EXOC6B: variants seen among roughly 807,000 people sequenced by gnomAD.
EXOC6B encodes the protein SEC15 homolog B.
A neutral mutation model predicts 113.5 loss-of-function variants in EXOC6B; 54 were observed. The ratio of observed to expected loss-of-function variants is 0.48; its 90% CI spans 0.38 to 0.60. EXOC6B has a LOEUF of 0.60. Among genes scored for constraint, EXOC6B ranks in the 20% least tolerant of loss-of-function variants. The pLI, the probability that EXOC6B is intolerant of heterozygous loss-of-function variation, is 0.00. For synonymous variants in EXOC6B, 357 were observed against 339.0 expected (o/e 1.05, Z -0.58); for missense variants, 797 against 977.5 (o/e 0.82, Z 2.46).
At chr2:72,722,454 G>T (rs755926767) in intron 5 of EXOC6B, among the ~76,000 whole-genome samples, 25 of 152,016 alleles carry the variant, frequency 1.6e-4, no homozygotes, top group Non-Finnish European at 2.6e-4. Flanking sequence ...GTTTTACTTG[G>T]TTTTTTTGTT....
At chr2:72,458,949 T>C (rs781628591) in intron 18 of EXOC6B, among the ~76,000 whole-genome samples, 26 of 152,238 alleles carry the variant, frequency 1.7e-4, no homozygotes, top group Non-Finnish European at 2.5e-4. Flanking sequence ...AAAACAATTA[T>C]TCTAAATATC....
intron 6 of EXOC6B, among the ~76,000 whole-genome samples, chr2:72,660,721 G>C (rs1477591039): frequency 6.6e-6 from 1 of 152,034 alleles, no homozygotes; most frequent in Admixed American, 6.6e-5. Context: ...AGAAGTATTG[G>C]AGCAGCTATT....
chr2:72,484,663 A>C (rs1410591481), intron 16 of EXOC6B, among the ~76,000 whole-genome samples: 3 of 150,816 alleles, frequency 2.0e-5, no homozygotes, highest in Non-Finnish European at 4.4e-5. Flanking sequence ...ATGTGTTCTC[A>C]TTGTTCAACT....
chr2:72,187,222 C>G (rs1678496810), intron 20 of EXOC6B, among the ~76,000 whole-genome samples: 1 of 151,978 alleles, frequency 6.6e-6, no homozygotes, highest in African/African-American at 2.4e-5. Context: ...ACCACAGGGC[C>G]CCAAAGAGGG....
chr2:72,764,158 C>T (rs537207083), intron 1 of EXOC6B, among the ~76,000 whole-genome samples: 2 of 152,168 alleles, frequency 1.3e-5, no homozygotes, highest in South Asian at 2.1e-4. Context: ...CTATTTCCTA[C>T]TATAATTGAT....
chr2:72,274,843 C>A (rs1016879021), intron 20 of EXOC6B, among the ~76,000 whole-genome samples: 1 of 152,046 alleles, frequency 6.6e-6, no homozygotes, highest in East Asian at 1.9e-4. Flanking sequence ...TTTAGTCTAA[C>A]GAAAGATGTT....
In EXOC6B at chr2:72,379,709, A is replaced by T. The variant is rs1691568972; in HGVS notation, c.2122+20T>A. 6.3e-7 allele frequency: 1 copy of T among 1,592,678 alleles called. No individual in the cohort carries two copies. The highest frequency in any genetic ancestry group is 2.3e-5 in the East Asian group (1 of 44,170). On this transcript the variant is annotated intron_variant, in intron 19 of 21. Coordinates refer to ENST00000272427, the MANE Select transcript of EXOC6B (RefSeq NM_015189.3). ...GTTTGCTGGTAAGATAAACAAGCAC[A>T]GGGATGGTCACTGTCTTACGTTCAC...
intron 18 of EXOC6B, among the ~76,000 whole-genome samples, chr2:72,384,287 A>G (rs1011420554): frequency 1.3e-5 from 2 of 152,172 alleles, no homozygotes; most frequent in East Asian, 1.9e-4. Flanking sequence ...ATAGATGCAG[A>G]AAAGGCATTT....
intron 6 of EXOC6B, among the ~76,000 whole-genome samples, chr2:72,667,620 G>T (rs946155323): frequency 1.3e-5 from 2 of 152,104 alleles, no homozygotes; most frequent in Admixed American, 6.5e-5. Context: ...AAGAGCAATA[G>T]GGAAAAGACT....
intron 20 of EXOC6B, among the ~76,000 whole-genome samples, chr2:72,273,044 G>C (rs1023085659): frequency 5.3e-5 from 8 of 152,064 alleles, no homozygotes; most frequent in African/African-American, 1.9e-4. Flanking sequence ...GACCTACTTT[G>C]AAATCTAGGT....
chr2:72,785,088 C>A (rs560642556), intron 1 of EXOC6B, among the ~76,000 whole-genome samples: 2 of 152,326 alleles, frequency 1.3e-5, no homozygotes, highest in South Asian at 4.1e-4. Flanking sequence ...ATCCAGGGGG[C>A]AGTCAAATTT....
intron 6 of EXOC6B, among the ~76,000 whole-genome samples, chr2:72,711,158 C>T (rs1679249890): frequency 6.6e-6 from 1 of 151,820 alleles, no homozygotes; most frequent in Admixed American, 6.6e-5. Flanking sequence ...AGAAAACAGT[C>T]GACAATTAAC....
intron 6 of EXOC6B, among the ~76,000 whole-genome samples, chr2:72,686,904 C>T (rs764367838): frequency 9.9e-5 from 15 of 151,950 alleles, no homozygotes; most frequent in East Asian, 5.8e-4. Context: ...TTTGGGAGGC[C>T]GAGGCAGGCA....
chr2:72,700,280 C>T (rs1031154868), intron 6 of EXOC6B, among the ~76,000 whole-genome samples: 2 of 74,034 alleles, frequency 2.7e-5, no homozygotes, highest in Non-Finnish European at 5.2e-5. Flanking sequence ...ACAAAGTTAT[C>T]CGTGTCAACC....
chr2:72,473,166 G>T (rs1237785419), intron 17 of EXOC6B, among the ~76,000 whole-genome samples: 1 of 152,076 alleles, frequency 6.6e-6, no homozygotes, highest in African/African-American at 2.4e-5. Context: ...TGTTGGGTAA[G>T]ATGTTCTCTA....
chr2:72,323,174 G>A (rs1370812092), intron 20 of EXOC6B, among the ~76,000 whole-genome samples: 1 of 152,010 alleles, frequency 6.6e-6, no homozygotes, highest in African/African-American at 2.4e-5. Context: ...GTGGGCAAAG[G>A]ATATGAAAAG....
chr2:72,265,239 T>TTTA (rs58637794), intron 20 of EXOC6B, among the ~76,000 whole-genome samples: 15,557 of 146,772 alleles, frequency 0.11, 869 homozygotes, highest in Non-Finnish European at 0.12. Flanking sequence ...TAACTATTCT[T>TTTA]TTATTATTAT....
chr2:72,642,764 G>A (rs1673360910), intron 6 of EXOC6B, among the ~76,000 whole-genome samples: 1 of 151,656 alleles, frequency 6.6e-6, no homozygotes, highest in Non-Finnish European at 1.5e-5. Context: ...ATTGACAAAT[G>A]GGATCTCATT....
In EXOC6B at chr2:72,663,412, C is replaced by T. The variant is rs558778513; in HGVS notation, c.669+54691G>A. Among the ~76,000 whole-genome samples, 134 of 152,088 alleles carry T rather than the reference C, an allele frequency of 8.8e-4. 1 individual carries two copies. Among genetic ancestry groups the T allele is most frequent in the African/African-American group, 3.0e-3 (125 of 41,476 alleles). ...GAATAGCACAGGGAGTTTTAGAAAT[C>T]GATAAAAAATATATAAATAGCTAGA... On this transcript the variant is annotated intron_variant, in intron 6 of 21. Transcript: ENST00000272427.
Sources: gnomAD v4.1 joint callset for allele counts (sites outside exome capture counted in the v4.1 genomes callset) on GRCh38, gnomAD v4.1.1 for gene constraint, MANE v1.5 for transcripts, NCBI Gene and HGNC (gene_info 2026-07-23, HGNC 2026-07-21) for gene names.